Variants in NT5E observed in about 807,000 individuals in gnomAD.
NT5E encodes 5'-nucleotidase.
NT5E carries 53 observed loss-of-function variants against 55.1 expected under a neutral mutation model. The observed-to-expected ratio is 0.96, with a 90% CI of 0.77 to 1.21. The LOEUF (loss-of-function observed/expected upper bound fraction) is 1.21. Ranked by LOEUF, NT5E falls within the 50% of genes most tolerant of loss-of-function variation. The pLI is 0.00. For missense variants in NT5E, 683 were observed against 724.3 expected, an observed-to-expected ratio of 0.94 and a Z score of 0.65; for synonymous variants, 270 against 278.4, an observed-to-expected ratio of 0.97 and a Z score of 0.30.
intron 1 of NT5E, among the ~76,000 whole-genome samples, chr6:85,461,356 A>G (rs1288207129): frequency 6.6e-6 from 1 of 152,242 alleles, no homozygotes; most frequent in Admixed American, 6.5e-5. Flanking sequence ...CCAAAATAGT[A>G]AAGACTTCTG....
chr6:85,493,701 T>C (rs1769833906), intron 8 of NT5E, 140 bp from the exon 9 acceptor site: 2 of 680,636 alleles, frequency 2.9e-6, no homozygotes, highest in African/African-American at 3.6e-5. Context: ...TTTGTACTTA[T>C]GATCACTAGC....
intron 1 of NT5E, among the ~76,000 whole-genome samples, chr6:85,457,452 C>T (rs898679781): frequency 1.3e-5 from 2 of 152,184 alleles, no homozygotes; most frequent in African/African-American, 4.8e-5. Context: ...TCTAATCTGC[C>T]TACATCACTT....
Position 85,487,616 on chromosome 6 carries a change from G to A in NT5E, c.1104+127G>A, listed in dbSNP as rs557931718. On this transcript the variant is annotated intron_variant, in intron 5 of 8. Coordinates refer to ENST00000257770, the MANE Select transcript of NT5E (RefSeq NM_002526.4). ...AGGGATTTCAAAACATTTTTAGCCA[G>A]GGTGGTGGCATGTGCCTATAGTCCC... The A allele has an allele frequency of 5.6e-5, 74 of 1,312,658 alleles. No individual in the cohort carries two copies. Among genetic ancestry groups the A allele is most frequent in the Non-Finnish European group, 7.4e-5 (68 of 921,660 alleles). The allele number at this position is 1,312,658 out of a possible 1,614,324, so 81.3% of individuals were successfully genotyped here.
At chr6:85,482,923 A>G (rs1270130831) in intron 3 of NT5E, among the ~76,000 whole-genome samples, 2 of 152,224 alleles carry the variant, frequency 1.3e-5, no homozygotes, top group East Asian at 3.8e-4. Flanking sequence ...AAACTAGACC[A>G]GCTATCGCCC....
rs186457745 is a variant in NT5E, at chr6:85,482,171, G to A, written c.752-3064G>A. Among the ~76,000 whole-genome samples the A allele has an allele frequency of 1.1e-3, 168 of 152,308 alleles. 1 individual carries two copies. The highest frequency in any genetic ancestry group is 3.7e-3 in the African/African-American group (155 of 41,568). The stretch of plus-strand genomic sequence containing the variant: ...TTGTGTTAAAATCATAGCATGGACT[G>A]CCTTACAACATTCTATACTTCAGTC... On this transcript the variant is annotated intron_variant, in intron 3 of 8. Transcript: ENST00000257770.
chr6:85,482,423 GA>G (rs913282233), intron 3 of NT5E, among the ~76,000 whole-genome samples: 14 of 150,586 alleles, frequency 9.3e-5, no homozygotes, highest in African/African-American at 2.9e-4. Context: ...GTGGAAGAAA[GA>G]AAAAAAAAGA....
chr6:85,490,936 G>A, intron 7 of NT5E: 1 of 549,542 alleles, frequency 1.8e-6, no homozygotes, highest in Non-Finnish European at 3.4e-6. Context: ...CACCTGCTTT[G>A]AGGTCTAGTT....
Position 85,493,130 on chromosome 6 carries a change from G to A in NT5E, c.1562-711G>A, listed in dbSNP as rs116642262. Among the ~76,000 whole-genome samples, 1,306 of 152,256 alleles carry A rather than the reference G, an allele frequency of 8.6e-3. 25 individuals are homozygous for A. Among genetic ancestry groups the A allele is most frequent in the African/African-American group, 0.03 (1,239 of 41,534 alleles). ...GGCTAAGGAAGCCCTGGACCTAAGC[G>A]TTCTCAACACTGGTTATACATTAGA... On this transcript the variant is annotated intron_variant, in intron 8 of 8. Coordinates refer to ENST00000257770, the MANE Select transcript of NT5E (RefSeq NM_002526.4).
chr6:85,489,192 T>TG (rs747114813), intron 5 of NT5E, among the ~76,000 whole-genome samples: 4 of 152,112 alleles, frequency 2.6e-5, no homozygotes, highest in Non-Finnish European at 4.4e-5. Flanking sequence ...CAGGCCACCT[T>TG]GCATGGGAGG....
chr6:85,471,379 T>C lies in NT5E; in HGVS notation c.705T>C (p.Gly235=). ...MDKLIAQKVR[G]VDVVVGGHSN... The stretch of plus-strand genomic sequence containing the variant: ...AACTCATCGCTCAGAAAGTGAGGGG[T>C]GTGGACGTCGTGGTGGGAGGACACT... Residue 235 remains glycine (G), a synonymous_variant, in exon 3 of 9, where the codon GGT becomes GGC. Coordinates refer to ENST00000257770, the MANE Select transcript of NT5E (RefSeq NM_002526.4). The C allele has an allele frequency of 1.9e-6, 3 of 1,612,880 alleles. No individual in the cohort carries two copies. Among genetic ancestry groups the C allele is most frequent in the Non-Finnish European group, 2.5e-6 (3 of 1,179,180 alleles).
chr6:85,450,135 C>T lies in NT5E; in HGVS notation c.-5C>T. 1.3e-6 allele frequency: 2 copies of T among 1,565,692 alleles called. No individual in the cohort carries two copies. The highest frequency in any genetic ancestry group is 1.7e-6 in the Non-Finnish European group (2 of 1,159,628). On this transcript the variant is annotated 5_prime_UTR_variant, in exon 1 of 9. Transcript: ENST00000257770. This position sits in a 1 kb window ranked among gnomAD's most constrained non-coding sequence, Gnocchi z 4.0. Reference sequence around the variant, plus strand: ...GCTTTCGCACCCAGTTCACGCGCCACAGCTATGTGTCCCCGAGCCGCGCGG... The same window carrying T: ...GCTTTCGCACCCAGTTCACGCGCCATAGCTATGTGTCCCCGAGCCGCGCGG...
chr6:85,476,061 T>G (rs1769428604), intron 3 of NT5E, among the ~76,000 whole-genome samples: 1 of 152,158 alleles, frequency 6.6e-6, no homozygotes, highest in Non-Finnish European at 1.5e-5. Context: ...CCAAGCAATG[T>G]CCCACGTCAC....
In NT5E at chr6:85,456,961, T is replaced by C. The variant is rs145269610; in HGVS notation, c.339+6483T>C. ...GTGCTGTGGGGTTTACAAGAGATAG[T>C]AGTGCACATAATGTGCTTAGCACAG... On this transcript the variant is annotated intron_variant, in intron 1 of 8. Coordinates refer to ENST00000257770, the MANE Select transcript of NT5E (RefSeq NM_002526.4). Among the ~76,000 whole-genome samples the C allele has an allele frequency of 2.3e-3, 356 of 152,292 alleles. 4 individuals are homozygous for C. The highest frequency in any genetic ancestry group is 2.4e-3 in the Admixed American group (37 of 15,294).
rs193219278 is a variant in NT5E at position 85,455,113 on chromosome 6, C to T, written c.339+4635C>T. 1.8e-4 allele frequency among the ~76,000 whole-genome samples: 28 copies of T among 152,298 alleles called. No individual in the cohort carries two copies. The East Asian group carries it at 3.7e-3, about 20-fold the overall frequency. ...GCCATGGGCAGCCATGTGGTTTCTG[C>T]GTAGAAGACCACTGTGGTATAATAA... On this transcript the variant is annotated intron_variant, in intron 1 of 8. Coordinates refer to ENST00000257770, the MANE Select transcript of NT5E (RefSeq NM_002526.4).
chr6:85,457,900 G>GGA (rs1278099531), intron 1 of NT5E, among the ~76,000 whole-genome samples: 2 of 152,158 alleles, frequency 1.3e-5, no homozygotes, highest in African/African-American at 2.4e-5. Context: ...GATCTATAAA[G>GGA]GAGAGAGGTT....
rs1461447091 is a variant in NT5E, at chr6:85,490,548, T to C, written c.1251T>C (p.Phe417=). The stretch of plus-strand genomic sequence containing the variant: ...AGAACCTGGCTGCTGTATTGCCCTT[T>C]GGAGGCACATTTGACCTAGTCCAGT... ...TWENLAAVLP[F]GGTFDLVQLK... is the part of the protein sequence containing the mutation. The change falls in exon 7 of 9, where the codon TTT becomes TTC. Residue 417 remains phenylalanine, a synonymous_variant. Coordinates refer to ENST00000257770, the MANE Select transcript of NT5E (RefSeq NM_002526.4). 7 of 1,614,222 alleles carry C rather than the reference T, an allele frequency of 4.3e-6. No homozygotes were observed. The highest frequency in any genetic ancestry group is 1.7e-5 in the Admixed American group (1 of 60,026).
At chr6:85,473,632 C>T (rs1769367580) in intron 3 of NT5E, among the ~76,000 whole-genome samples, 1 of 152,174 alleles carries the variant, frequency 6.6e-6, no homozygotes, top group African/African-American at 2.4e-5. Flanking sequence ...CATGCAAAAG[C>T]ACTTGTATGT....
In NT5E at chr6:85,450,344, C is replaced by G; in HGVS notation, c.205C>G (p.Gln69Glu). The G allele has an allele frequency of 1.3e-6, 2 of 1,595,752 alleles. No individual in the cohort carries two copies. Among genetic ancestry groups the G allele is most frequent in the Non-Finnish European group, 1.7e-6 (2 of 1,172,514 alleles). ...CGTGGCTCGGCTCTTCACCAAGGTT[C>G]AGCAGATCCGCCGCGCCGAACCCAA... The part of the protein sequence containing the change: ...GGVARLFTKV[Q>E]QIRRAEPNVL... Residue 69 changes from glutamine (Q) to glutamate (E), a missense_variant, in exon 1 of 9, where the codon CAG (glutamine) becomes GAG (glutamate). Gln to Glu is a conservative substitution (Grantham distance 29). Coordinates refer to ENST00000257770, the MANE Select transcript of NT5E (RefSeq NM_002526.4). The surrounding 1 kb of genome is among the most constrained non-coding windows in gnomAD (Gnocchi z 4.0).
intron 3 of NT5E, among the ~76,000 whole-genome samples, chr6:85,473,000 A>G (rs1262366911): frequency 6.6e-6 from 1 of 152,234 alleles, no homozygotes; most frequent in African/African-American, 2.4e-5. Context: ...AGATGTATAT[A>G]AGATGTCAAG....
Sources: allele counts gnomAD v4.1 joint callset (sites outside exome capture counted in the v4.1 genomes callset), GRCh38; gene constraint gnomAD v4.1.1; non-coding constraint Gnocchi (gnomAD v3.1); transcripts MANE v1.5; gene names NCBI Gene and HGNC (gene_info 2026-07-23, HGNC 2026-07-21).